Variants in CNTNAP2 observed in about 807,000 individuals in gnomAD.
CNTNAP2 encodes the protein contactin-associated protein-like 2.
In CNTNAP2, 98 loss-of-function variants were observed where a neutral mutation model predicts 155.2. The observed-to-expected ratio is 0.63, with a 90% CI of 0.54 to 0.75. The LOEUF (loss-of-function observed/expected upper bound fraction) is 0.75. Among genes scored for constraint, CNTNAP2 ranks in the 30% least tolerant of loss-of-function variants. The pLI, the probability that CNTNAP2 is intolerant of heterozygous loss-of-function variation, is 0.00. For synonymous variants in CNTNAP2, 651 were observed against 631.2 expected (o/e 1.03, Z -0.47); for missense variants, 1,727 against 1,688.1 (o/e 1.02, Z -0.40).
chr7:148,385,081 C>T (rs1036992524), intron 22 of CNTNAP2, among the ~76,000 whole-genome samples: 4 of 152,244 alleles, frequency 2.6e-5, no homozygotes, highest in Middle Eastern at 3.4e-3. Flanking sequence ...AATCATGTTC[C>T]GGCCCTGCAC....
At chr7:146,218,238 G>T (rs1237568792) in intron 1 of CNTNAP2, among the ~76,000 whole-genome samples, 1 of 152,154 alleles carries the variant, frequency 6.6e-6, no homozygotes, top group Non-Finnish European at 1.5e-5. Flanking sequence ...GGCCGGGCGC[G>T]GTGGCTCACG....
intron 15 of CNTNAP2, among the ~76,000 whole-genome samples, chr7:148,112,740 G>C (rs1804379578): frequency 6.6e-6 from 1 of 152,022 alleles, no homozygotes; most frequent in Non-Finnish European, 1.5e-5. Flanking sequence ...TATTTGGGGA[G>C]AATATAGAGA....
intron 21 of CNTNAP2, among the ~76,000 whole-genome samples, chr7:148,304,409 C>A (rs1797451731): frequency 6.6e-6 from 1 of 152,122 alleles, no homozygotes; most frequent in Non-Finnish European, 1.5e-5. Context: ...GGATAAACAA[C>A]CATCCAATTT....
At chr7:146,470,601 C>T (rs900030215) in intron 1 of CNTNAP2, among the ~76,000 whole-genome samples, 1 of 152,008 alleles carries the variant, frequency 6.6e-6, no homozygotes, top group Admixed American at 6.5e-5. Flanking sequence ...GACGGAATCT[C>T]GCTCTGTCAC....
At chr7:146,985,310 T>A (rs1374011198) in intron 3 of CNTNAP2, among the ~76,000 whole-genome samples, 743 of 4,304 alleles carry the variant, frequency 0.17, 8 homozygotes, top group African/African-American at 0.23. Flanking sequence ...ATGCTTGAAT[T>A]TTTTTTTTTT....
At chr7:147,278,087 T>A (rs1194656012) in intron 8 of CNTNAP2, among the ~76,000 whole-genome samples, 1 of 149,350 alleles carries the variant, frequency 6.7e-6, no homozygotes, top group Admixed American at 6.7e-5. Context: ...TGGATATTCA[T>A]TTATATATTC....
chr7:148,058,636 G>T (rs1011220859), intron 15 of CNTNAP2, among the ~76,000 whole-genome samples: 3 of 152,164 alleles, frequency 2.0e-5, no homozygotes, highest in African/African-American at 7.2e-5. Flanking sequence ...TCCTTGCAAG[G>T]CGTGTCGCTT....
At chr7:146,842,030 C>T (rs942173539) in intron 3 of CNTNAP2, among the ~76,000 whole-genome samples, 5 of 133,144 alleles carry the variant, frequency 3.8e-5, no homozygotes, top group Admixed American at 8.2e-5. Context: ...TTGCAGGCAT[C>T]CACCACCATG....
At chr7:148,158,181 A>G (rs1000741871) in intron 17 of CNTNAP2, among the ~76,000 whole-genome samples, 6 of 148,602 alleles carry the variant, frequency 4.0e-5, no homozygotes, top group Non-Finnish European at 8.9e-5. Flanking sequence ...CAGTCAGAGC[A>G]TTACCATAGG....
At chr7:148,320,376 C>CTTTTTT (rs67424217) in intron 21 of CNTNAP2, among the ~76,000 whole-genome samples, 20 of 63,374 alleles carry the variant, frequency 3.2e-4, no homozygotes, top group African/African-American at 5.4e-4. Context: ...ATTTTTTTTT[C>CTTTTTT]TTTTTTTTTT....
chr7:148,291,142 A>T (rs2116480830), intron 21 of CNTNAP2, among the ~76,000 whole-genome samples: 1 of 152,204 alleles, frequency 6.6e-6, no homozygotes, highest in East Asian at 1.9e-4. Context: ...GATCTCTACG[A>T]TGTGCAAGAA....
chr7:148,337,423 C>T (rs1798139928), intron 21 of CNTNAP2, among the ~76,000 whole-genome samples: 1 of 152,158 alleles, frequency 6.6e-6, no homozygotes, highest in South Asian at 2.1e-4. Context: ...CCAGGAAGCT[C>T]CTTCACCGTC....
chr7:146,304,279 A>G (rs1029390609), intron 1 of CNTNAP2, among the ~76,000 whole-genome samples: 31 of 151,936 alleles, frequency 2.0e-4, no homozygotes, highest in African/African-American at 7.3e-4. Flanking sequence ...AGTTAAGGTT[A>G]ATATTGTTAT....
chr7:147,108,679 C>T (rs1275578263), intron 5 of CNTNAP2, among the ~76,000 whole-genome samples: 3 of 151,990 alleles, frequency 2.0e-5, no homozygotes, highest in Non-Finnish European at 2.9e-5. Flanking sequence ...AACAACTAAG[C>T]AAAAATGAAT....
chr7:146,921,801 T>C (rs958935399), intron 3 of CNTNAP2, among the ~76,000 whole-genome samples: 3 of 151,960 alleles, frequency 2.0e-5, no homozygotes, highest in African/African-American at 7.3e-5. Flanking sequence ...GGGTGGGAAA[T>C]AATGAGATCA....
chr7:148,092,676 G>A (rs896472013), intron 15 of CNTNAP2, among the ~76,000 whole-genome samples: 5 of 152,044 alleles, frequency 3.3e-5, no homozygotes, highest in Admixed American at 1.3e-4. Context: ...TTGTTCTCTC[G>A]ATGTACCTCC....
At chr7:148,017,818 C>T (rs949694763) in intron 15 of CNTNAP2, among the ~76,000 whole-genome samples, 2 of 152,156 alleles carry the variant, frequency 1.3e-5, no homozygotes, top group African/African-American at 2.4e-5. Context: ...AACCCTCTTG[C>T]GAATATACAT....
At chr7:147,398,175 CAGTGGTTTT>C (rs1017759869) in intron 10 of CNTNAP2, among the ~76,000 whole-genome samples, 14 of 151,974 alleles carry the variant, frequency 9.2e-5, no homozygotes, top group African/African-American at 3.1e-4. Context: ...GTAAAAGTAC[CAGTGGTTTT>C]AGTCTGTCCT....
chr7:146,615,403 C>G (rs1489607453), intron 1 of CNTNAP2, among the ~76,000 whole-genome samples: 1 of 152,076 alleles, frequency 6.6e-6, no homozygotes, highest in Non-Finnish European at 1.5e-5. Flanking sequence ...TTATTAGAGC[C>G]CTTCAGAAGG....
Sources: gnomAD v4.1 joint callset for allele counts (sites outside exome capture counted in the v4.1 genomes callset) on GRCh38, gnomAD v4.1.1 for gene constraint, MANE v1.5 for transcripts, NCBI Gene and HGNC (gene_info 2026-07-23, HGNC 2026-07-21) for gene names.